Variants in ZNF423 observed in about 807,000 individuals in gnomAD.
The protein encoded by ZNF423 is zinc finger protein 423, also known as Ebf-associated zinc finger protein.
In ZNF423, 12 loss-of-function variants were observed where a neutral mutation model predicts 95.8. The observed-to-expected ratio is 0.13, with a 90% CI of 0.08 to 0.20. The LOEUF (loss-of-function observed/expected upper bound fraction) is 0.20. Ranked by LOEUF, ZNF423 falls within the 10% of genes least tolerant of loss-of-function variation. ZNF423 has a pLI of 1.00. For missense variants in ZNF423, 1,316 were observed against 1,737.1 expected (o/e 0.76, Z 4.31); for synonymous variants, 749 against 711.9 (o/e 1.05, Z -0.83).
chr16:49,857,508 G>A (rs1452982414), upstream of ZNF423, among the ~76,000 whole-genome samples: 1 of 152,172 alleles, frequency 6.6e-6, no homozygotes, highest in Non-Finnish European at 1.5e-5. This position sits in a 1 kb window ranked among gnomAD's most constrained non-coding sequence, Gnocchi z 6.2. Flanking sequence ...GAGTTGGGCT[G>A]CCCTAGTATT....
intron 2 of ZNF423, among the ~76,000 whole-genome samples, chr16:49,762,516 A>T (rs1299723049): frequency 6.6e-6 from 1 of 152,212 alleles, no homozygotes; most frequent in African/African-American, 2.4e-5. Context: ...AGACAAGAGG[A>T]CTAATGTTCA....
chr16:49,661,765 C>T (rs1443829113), intron 3 of ZNF423, among the ~76,000 whole-genome samples: 27 of 152,284 alleles, frequency 1.8e-4, no homozygotes, highest in African/African-American at 6.0e-4. Context: ...GGCTGCATTC[C>T]GGGGGCATCA....
At chr16:49,808,820 C>T (rs1249056454) in intron 1 of ZNF423, among the ~76,000 whole-genome samples, 1 of 152,208 alleles carries the variant, frequency 6.6e-6, no homozygotes, top group African/African-American at 2.4e-5. Context: ...TGACCACCTG[C>T]CCCCATGGCC....
chr16:49,600,017 G>A (rs1395683641), intron 5 of ZNF423, among the ~76,000 whole-genome samples: 1 of 152,148 alleles, frequency 6.6e-6, no homozygotes, highest in African/African-American at 2.4e-5. Context: ...TGTAAGTTAA[G>A]CCTCAATTAA....
chr16:49,597,259 G>A (rs903375767), intron 5 of ZNF423, among the ~76,000 whole-genome samples: 18 of 152,316 alleles, frequency 1.2e-4, no homozygotes, highest in Non-Finnish European at 2.4e-4. Context: ...GAACCTGGGG[G>A]AGGAGGGTCT....
At position 49,617,661 on chromosome 16, in the gene ZNF423, C is replaced by A. The variant is rs145601450; in HGVS notation, c.3601+8509G>T. ...TAGAAACACACTTTGGTCTCTCTCT[C>A]TTAAAAATGCAAATACTTCCTGTTA... On this transcript the variant is annotated intron_variant, in intron 5 of 7. Transcript: ENST00000563137. Among the ~76,000 whole-genome samples the A allele has an allele frequency of 1.4e-4, 22 of 152,262 alleles. No homozygotes were observed. The East Asian group carries it at 3.9e-3, about 27-fold the overall frequency.
intron 5 of ZNF423, among the ~76,000 whole-genome samples, chr16:49,604,956 C>T (rs371933145): frequency 3.9e-5 from 6 of 152,198 alleles, no homozygotes; most frequent in African/African-American, 7.2e-5. Flanking sequence ...AAATCACACC[C>T]CAGAGGAAAG....
chr16:49,736,737 G>A (rs766133591), intron 2 of ZNF423, among the ~76,000 whole-genome samples: 2 of 152,208 alleles, frequency 1.3e-5, no homozygotes, highest in Non-Finnish European at 2.9e-5. Flanking sequence ...GGAGGCTGCA[G>A]TGAGCCGTGT....
intron 3 of ZNF423, among the ~76,000 whole-genome samples, chr16:49,690,152 C>T (rs1362534170): frequency 1.3e-5 from 2 of 152,254 alleles, no homozygotes; most frequent in African/African-American, 2.4e-5. Flanking sequence ...CTGCCCTGAA[C>T]CCTCATCGCC....
At chr16:49,784,176 C>T (rs1159360436) in intron 2 of ZNF423, among the ~76,000 whole-genome samples, 1 of 151,974 alleles carries the variant, frequency 6.6e-6, no homozygotes, top group African/African-American at 2.4e-5. Flanking sequence ...ATAAAGTTGC[C>T]CTATAACCCA....
intron 1 of ZNF423, chr16:49,854,444 G>A: frequency 1.0e-6 from 1 of 985,446 alleles, no homozygotes; most frequent in Non-Finnish European, 1.2e-6. Context: ...GAAGGGAGCG[G>A]GGCCCCAGCG....
At chr16:49,523,247 C>A (rs957866104) in intron 7 of ZNF423, among the ~76,000 whole-genome samples, 1 of 152,226 alleles carries the variant, frequency 6.6e-6, no homozygotes, top group Non-Finnish European at 1.5e-5. Context: ...CCTGTTCCCA[C>A]ACAGCCCCAG....
chr16:49,752,027 A>G (rs2033641785), intron 2 of ZNF423, among the ~76,000 whole-genome samples: 3 of 152,060 alleles, frequency 2.0e-5, no homozygotes, highest in Admixed American at 1.3e-4. Flanking sequence ...TCATCTCAGG[A>G]CCCCTAGTGC....
At chr16:49,793,421 T>C (rs2034447844) in intron 1 of ZNF423, among the ~76,000 whole-genome samples, 1 of 152,174 alleles carries the variant, frequency 6.6e-6, no homozygotes, top group Non-Finnish European at 1.5e-5. Flanking sequence ...CAGGGGCCGA[T>C]AGGGACAACA....
At chr16:49,609,160 G>A (rs1340373783) in intron 5 of ZNF423, among the ~76,000 whole-genome samples, 1 of 152,158 alleles carries the variant, frequency 6.6e-6, no homozygotes, top group African/African-American at 2.4e-5. Context: ...GAGACCTAGG[G>A]AGGAAACGAG....
At chr16:49,567,686 C>T (rs372323892) in intron 5 of ZNF423, among the ~76,000 whole-genome samples, 16 of 152,302 alleles carry the variant, frequency 1.1e-4, no homozygotes, top group South Asian at 4.1e-4. Flanking sequence ...AGTGCAGGTG[C>T]AAGGAAATTA....
chr16:49,690,418 G>A (rs778293602), intron 3 of ZNF423, among the ~76,000 whole-genome samples: 1 of 152,208 alleles, frequency 6.6e-6, no homozygotes, highest in Admixed American at 6.5e-5. Context: ...GACTACTTGG[G>A]AGGCTGAGGC....
At chr16:49,561,914 G>A (rs769588640) in intron 5 of ZNF423, among the ~76,000 whole-genome samples, 1 of 152,234 alleles carries the variant, frequency 6.6e-6, no homozygotes, top group Non-Finnish European at 1.5e-5. Context: ...TGCTTTGAGG[G>A]CTGATTGACA....
intron 5 of ZNF423, among the ~76,000 whole-genome samples, chr16:49,624,974 A>T (rs916636907): frequency 2.6e-5 from 4 of 152,266 alleles, no homozygotes; most frequent in African/African-American, 9.6e-5. Flanking sequence ...CACTTATGAG[A>T]AGTTTTCTAA....
Sources: gnomAD v4.1 joint callset for allele counts (sites outside exome capture counted in the v4.1 genomes callset) on GRCh38, gnomAD v4.1.1 for gene constraint, Gnocchi (gnomAD v3.1) non-coding constraint, MANE v1.5 for transcripts, NCBI Gene and HGNC (gene_info 2026-07-23, HGNC 2026-07-21) for gene names.